The following INPP4B variants were observed in gnomAD, a reference collection of about 807,000 sequenced individuals.
INPP4B encodes inositol polyphosphate 4-phosphatase type II.
A neutral mutation model predicts 122.5 loss-of-function variants in INPP4B; 55 were observed. The ratio of observed to expected loss-of-function variants is 0.45; its 90% CI spans 0.36 to 0.56. The LOEUF (loss-of-function observed/expected upper bound fraction) is 0.56. Among genes scored for constraint, INPP4B ranks in the 20% least tolerant of loss-of-function variants. INPP4B has a pLI of 0.00. For synonymous variants in INPP4B, 403 were observed against 388.7 expected (o/e 1.04, Z -0.43); for missense variants, 1,000 against 1,097.7 (o/e 0.91, Z 1.26).
chr4:142,360,168 A>G (rs1170666263), intron 7 of INPP4B, among the ~76,000 whole-genome samples: 1 of 151,974 alleles, frequency 6.6e-6, no homozygotes, highest in Non-Finnish European at 1.5e-5. Context: ...TAACATTTCT[A>G]TGATTTCTGA....
At chr4:142,715,672 T>C (rs897313606) in intron 2 of INPP4B, among the ~76,000 whole-genome samples, 1 of 152,306 alleles carries the variant, frequency 6.6e-6, no homozygotes, top group Middle Eastern at 3.4e-3. Context: ...AAGAGAGCCC[T>C]GGGAAGGAGC....
At chr4:142,627,297 G>A (rs1366739893) in intron 2 of INPP4B, among the ~76,000 whole-genome samples, 4 of 150,912 alleles carry the variant, frequency 2.7e-5, no homozygotes, top group Non-Finnish European at 4.4e-5. Context: ...ATGTTGAATA[G>A]GAGTGGTGAG....
chr4:142,668,774 C>T (rs940216472), intron 2 of INPP4B, among the ~76,000 whole-genome samples: 5 of 151,988 alleles, frequency 3.3e-5, no homozygotes, highest in South Asian at 2.1e-4. Flanking sequence ...CATGGCTGGG[C>T]GTGGTGGCTC....
chr4:142,551,672 G>A (rs1216778469), intron 2 of INPP4B, among the ~76,000 whole-genome samples: 1 of 152,074 alleles, frequency 6.6e-6, no homozygotes, highest in South Asian at 2.1e-4. Flanking sequence ...GTGTTATCAC[G>A]CAGTAGAACT....
chr4:142,146,679 A>G (rs560049188), intron 17 of INPP4B, among the ~76,000 whole-genome samples: 1 of 152,312 alleles, frequency 6.6e-6, no homozygotes, highest in African/African-American at 2.4e-5. Context: ...ATTAGTATGC[A>G]GATCCCTGGG....
Position 142,027,186 on chromosome 4 carries a change from A to G in INPP4B, c.*1596T>C, listed in dbSNP as rs1737264557. 1 of 152,220 alleles carries G rather than the reference A, an allele frequency of 6.6e-6. No individual in the cohort carries two copies. Among genetic ancestry groups the G allele is most frequent in the Admixed American group, 6.5e-5 (1 of 15,282 alleles). The allele number at this position is 152,220 out of a possible 1,614,324, so 9.4% of individuals were successfully genotyped here. On this transcript the variant is annotated 3_prime_UTR_variant, in exon 26 of 26. Coordinates refer to ENST00000262992, the MANE Select transcript of INPP4B (RefSeq NM_001101669.3). ...TACCTGCCTCAAGTATAATGCCCAC[A>G]GGTAATTAGCTAAAATAAAAAATTG... is the stretch of plus-strand genomic sequence containing the variant.
At chr4:142,100,981 A>C (rs1318388605) in intron 23 of INPP4B, among the ~76,000 whole-genome samples, 1 of 152,150 alleles carries the variant, frequency 6.6e-6, no homozygotes, top group Non-Finnish European at 1.5e-5. Flanking sequence ...TGTAGAACCT[A>C]GGAAATAGTT....
chr4:142,232,021 A>G (rs1854596778), intron 12 of INPP4B, among the ~76,000 whole-genome samples: 2 of 152,180 alleles, frequency 1.3e-5, no homozygotes, highest in Non-Finnish European at 2.9e-5. Flanking sequence ...AATATTGTCG[A>G]TGAGTGCTTT....
intron 3 of INPP4B, among the ~76,000 whole-genome samples, chr4:142,451,893 A>AGG (rs1016482255): frequency 1.3e-5 from 2 of 152,190 alleles, no homozygotes; most frequent in African/African-American, 4.8e-5. Context: ...TATGAAGGGA[A>AGG]GGGGGTGCTC....
intron 2 of INPP4B, among the ~76,000 whole-genome samples, chr4:142,547,546 T>G (rs543445321): frequency 6.6e-6 from 1 of 152,202 alleles, no homozygotes; most frequent in South Asian, 2.1e-4. Context: ...CACTAGCAAA[T>G]CAGACAGTAA....
chr4:142,287,748 C>T (rs568643941), intron 9 of INPP4B: 1 of 152,116 alleles, frequency 6.6e-6, no homozygotes, highest in African/African-American at 2.4e-5. Flanking sequence ...AAGAATAGGG[C>T]CTTAAAGCTC....
chr4:142,209,938 G>C lies in INPP4B; in HGVS notation c.837-912C>G, dbSNP rs139676529. On this transcript the variant is annotated intron_variant, in intron 12 of 25. Coordinates refer to ENST00000262992, the MANE Select transcript of INPP4B (RefSeq NM_001101669.3). ...GTTGCTCCCTCTTTATCAAAAAGAA[G>C]AGCTAACCATGTCATTTAGGCTTCA... 1.3e-3 allele frequency among the ~76,000 whole-genome samples: 198 copies of C among 151,464 alleles called. 8 individuals carry two copies. In the East Asian group the frequency reaches 0.034, roughly 26 times the overall value.
intron 15 of INPP4B, among the ~76,000 whole-genome samples, chr4:142,176,778 G>A (rs1245560875): frequency 1.3e-5 from 2 of 152,174 alleles, no homozygotes; most frequent in Non-Finnish European, 2.9e-5. Flanking sequence ...TACCAACGCA[G>A]GGACGGAGCA....
intron 9 of INPP4B, among the ~76,000 whole-genome samples, chr4:142,273,977 G>A (rs898517644): frequency 1.3e-5 from 2 of 151,690 alleles, no homozygotes; most frequent in South Asian, 2.1e-4. Flanking sequence ...AAAGAATACA[G>A]GTATCCACAC....
intron 5 of INPP4B, among the ~76,000 whole-genome samples, chr4:142,410,282 AGTGG>A (rs1200139992): frequency 2.0e-5 from 3 of 152,230 alleles, no homozygotes; most frequent in Non-Finnish European, 4.4e-5. Flanking sequence ...CTTTCACGAG[AGTGG>A]TGGTGTGAAC....
chr4:142,305,602 A>T, intron 8 of INPP4B, 65 bp from the exon 9 acceptor site: 1 of 1,530,976 alleles, frequency 6.5e-7, no homozygotes. Context: ...CTGTCACATC[A>T]ATCAAACAAA....
chr4:142,588,191 A>G (rs1310057070), intron 2 of INPP4B, among the ~76,000 whole-genome samples: 2 of 151,982 alleles, frequency 1.3e-5, no homozygotes, highest in Non-Finnish European at 2.9e-5. Flanking sequence ...ACCTTCAGTT[A>G]ACATTATATT....
intron 9 of INPP4B, among the ~76,000 whole-genome samples, chr4:142,273,812 CA>C (rs1747081345): frequency 6.6e-6 from 1 of 151,782 alleles, no homozygotes; most frequent in African/African-American, 2.4e-5. Context: ...CATGTTTCCT[CA>C]ATTGAACTTT....
intron 25 of INPP4B, among the ~76,000 whole-genome samples, chr4:142,053,543 G>A (rs905714668): frequency 6.6e-6 from 1 of 151,694 alleles, no homozygotes; most frequent in Non-Finnish European, 1.5e-5. Context: ...CCCAAGTATG[G>A]CTACCACATT....
Sources: gnomAD v4.1 joint callset for allele counts (sites outside exome capture counted in the v4.1 genomes callset) on GRCh38, gnomAD v4.1.1 for gene constraint, MANE v1.5 for transcripts, NCBI Gene and HGNC (gene_info 2026-07-23, HGNC 2026-07-21) for gene names.